TENM3: variants seen among roughly 807,000 people sequenced by gnomAD.
TENM3 encodes teneurin transmembrane protein 3.
Under a neutral mutation model 255.1 loss-of-function variants are expected in TENM3, and 63 were observed. That is an observed-to-expected ratio of 0.25 (90% CI 0.20 to 0.30). The LOEUF is 0.30. Ranked by LOEUF, TENM3 falls within the 10% of genes least tolerant of loss-of-function variation. TENM3 has a pLI of 1.00. For synonymous variants in TENM3, 1,306 were observed against 1,322.3 expected, an observed-to-expected ratio of 0.99 and a Z score of 0.27; for missense variants, 2,929 against 3,461.1, an observed-to-expected ratio of 0.85 and a Z score of 3.86.
chr4:181,621,519 C>T, the TENM3 span, among the ~76,000 whole-genome samples: 1 of 152,152 alleles, frequency 6.6e-6, no homozygotes, highest in Admixed American at 6.5e-5. Flanking sequence ...TACCTTAGAT[C>T]TCTGCCATCG....
intron 3 of TENM3, among the ~76,000 whole-genome samples, chr4:182,493,003 T>G (rs1228831077): frequency 6.6e-6 from 1 of 152,140 alleles, no homozygotes; most frequent in Non-Finnish European, 1.5e-5. Flanking sequence ...TATTTTTCTA[T>G]AATTTTATGC....
At position 182,743,418 on chromosome 4, in the gene TENM3, A is replaced by C; in HGVS notation, c.3628A>C (p.Ser1210Arg). ...SGNVTSVLEL[S>R]SNPAHRYYLA... ...AAATGTAACAAGTGTCTTAGAACTA[A>C]GGTACGTCTTTCCTAAATTTGGGCT... Residue 1210 changes from serine (S) to arginine (R), a missense_variant and splice_region_variant, in exon 19 of 28, where the codon AGC becomes CGC. By Grantham distance (110) the Ser-to-Arg change is moderately radical. This residue lies in a region of TENM3 where 1,608 missense variants were observed against 1,884.4 expected (regional missense o/e 0.85). Transcript: ENST00000511685. The C allele has an allele frequency of 1.2e-6, 2 of 1,611,052 alleles. No individual in the cohort carries two copies. The highest frequency in any genetic ancestry group is 8.5e-7 in the Non-Finnish European group (1 of 1,177,262).
the TENM3 span, among the ~76,000 whole-genome samples, chr4:181,579,690 G>C: frequency 6.6e-6 from 1 of 152,164 alleles, no homozygotes. Context: ...TGCACAGATG[G>C]CCAGAATAAT....
At chr4:181,601,723 C>T in the TENM3 span, among the ~76,000 whole-genome samples, 22 of 152,192 alleles carry the variant, frequency 1.4e-4, no homozygotes, top group South Asian at 4.1e-4. Context: ...GGCCCCGTCA[C>T]GTTAGACTGG....
chr4:182,297,401 T>C lies in TENM3; in HGVS notation c.-75-26545T>C, dbSNP rs570251260. 1.4e-3 allele frequency among the ~76,000 whole-genome samples: 215 copies of C among 152,372 alleles called. 6 individuals are homozygous for C. The South Asian group carries it at 0.043, about 30-fold the overall frequency. On this transcript the variant is annotated intron_variant, in intron 1 of 27. Transcript: ENST00000511685. ...GGATAAGTTCTTTTTCTGAATTGTC[T>C]TGATCTTTGAAGTAGGAAGGTGCTG...
chr4:182,069,944 C>A, the TENM3 span, among the ~76,000 whole-genome samples: 1 of 152,142 alleles, frequency 6.6e-6, no homozygotes, highest in Non-Finnish European at 1.5e-5. Context: ...TCATTGACAT[C>A]AAACTGGGAT....
chr4:181,604,003 G>A, the TENM3 span, among the ~76,000 whole-genome samples: 1 of 152,186 alleles, frequency 6.6e-6, no homozygotes, highest in Admixed American at 6.5e-5. Flanking sequence ...GGTGGCTCAC[G>A]CCTGTAATCC....
At chr4:182,590,664 C>A (rs915932849) in intron 3 of TENM3, among the ~76,000 whole-genome samples, 1 of 151,570 alleles carries the variant, frequency 6.6e-6, no homozygotes, top group African/African-American at 2.4e-5. Flanking sequence ...TCAAGACCAT[C>A]CTGGCCAACA....
the TENM3 span, among the ~76,000 whole-genome samples, chr4:181,745,801 A>C: frequency 1.3e-5 from 2 of 152,234 alleles, no homozygotes; most frequent in Admixed American, 6.5e-5. Flanking sequence ...CAGAATGGGG[A>C]AATAATATGA....
chr4:182,300,418 A>G (rs369718255), intron 1 of TENM3, among the ~76,000 whole-genome samples: 3 of 152,186 alleles, frequency 2.0e-5, no homozygotes, highest in African/African-American at 7.2e-5. Flanking sequence ...ATGTTGAATT[A>G]TGGGATCTGA....
chr4:181,851,549 G>A, the TENM3 span, among the ~76,000 whole-genome samples: 1 of 152,232 alleles, frequency 6.6e-6, no homozygotes, highest in African/African-American at 2.4e-5. Context: ...AACAAGCACT[G>A]AATCAACAGT....
the TENM3 span, among the ~76,000 whole-genome samples, chr4:181,665,662 C>G: frequency 2.0e-5 from 3 of 151,800 alleles, no homozygotes; most frequent in African/African-American, 7.3e-5. Context: ...CATATACAGA[C>G]ATATTATGTA....
At chr4:181,481,537 C>G in the TENM3 span, among the ~76,000 whole-genome samples, 66 of 152,270 alleles carry the variant, frequency 4.3e-4, no homozygotes, top group African/African-American at 1.5e-3. Flanking sequence ...CTCAACAATC[C>G]TAGGAAATAG....
chr4:182,393,645 C>A (rs1428880726), intron 3 of TENM3, among the ~76,000 whole-genome samples: 1 of 152,142 alleles, frequency 6.6e-6, no homozygotes, highest in Non-Finnish European at 1.5e-5. Flanking sequence ...TTTTAAGATA[C>A]AGGATTTCTT....
chr4:182,185,081 C>CAA (rs35344065), intron 1 of TENM3, among the ~76,000 whole-genome samples: 39,496 of 149,560 alleles, frequency 0.26, 5,905 homozygotes, highest in African/African-American at 0.43. Context: ...AAAACTCTGT[C>CAA]AAAAAAAAAA....
At chr4:182,630,556 C>G (rs12504967) in intron 5 of TENM3, among the ~76,000 whole-genome samples, 31,294 of 151,902 alleles carry the variant, frequency 0.21, 4,105 homozygotes, top group East Asian at 0.61. Context: ...ATGGGGTTGG[C>G]TGAGGGGAGG....
chr4:181,588,141 A>G, the TENM3 span, among the ~76,000 whole-genome samples: 1 of 152,148 alleles, frequency 6.6e-6, no homozygotes, highest in Non-Finnish European at 1.5e-5. Context: ...CACTCTTTTG[A>G]AGCCAGCAGG....
the TENM3 span, among the ~76,000 whole-genome samples, chr4:181,751,526 G>A: frequency 1.3e-5 from 2 of 151,570 alleles, no homozygotes; most frequent in South Asian, 2.1e-4. Flanking sequence ...GTGTTGTTAC[G>A]CACCTGCTTT....
At chr4:181,711,476 A>G in the TENM3 span, among the ~76,000 whole-genome samples, 1 of 152,320 alleles carries the variant, frequency 6.6e-6, no homozygotes, top group South Asian at 2.1e-4. Context: ...CTGAAGCTGA[A>G]TCTATTTGAA....
Sources: gnomAD v4.1 joint callset for allele counts (sites outside exome capture counted in the v4.1 genomes callset) on GRCh38, gnomAD v4.1.1 for gene constraint, gnomAD v4.1.1 regional missense constraint, MANE v1.5 for transcripts, NCBI Gene and HGNC (gene_info 2026-07-23, HGNC 2026-07-21) for gene names.